The following NKAIN2 variants were observed in gnomAD, a reference collection of about 807,000 sequenced individuals.
NKAIN2 encodes sodium/potassium transporting ATPase interacting 2, also known as sodium/potassium-transporting ATPase subunit beta-1-interacting protein 2.
NKAIN2 carries 14 observed loss-of-function variants against 32.6 expected under a neutral mutation model. The ratio of observed to expected loss-of-function variants is 0.43; its 90% confidence interval spans 0.28 to 0.67. NKAIN2 has a LOEUF of 0.67. NKAIN2 is among the 30% of genes least tolerant of loss of function. The pLI is 0.17. For missense variants in NKAIN2, 198 were observed against 258.3 expected (o/e 0.77, Z 1.60); for synonymous variants, 80 against 87.2 (o/e 0.92, Z 0.46).
intron 1 of NKAIN2, among the ~76,000 whole-genome samples, chr6:123,878,643 A>C (rs968934438): frequency 6.6e-6 from 1 of 152,168 alleles, no homozygotes; most frequent in Non-Finnish European, 1.5e-5. Flanking sequence ...CATTATTTAA[A>C]TTTTTGAATT....
intron 1 of NKAIN2, among the ~76,000 whole-genome samples, chr6:124,038,782 A>G (rs1781726798): frequency 6.6e-6 from 1 of 152,146 alleles, no homozygotes. Flanking sequence ...GTTTCATTTT[A>G]ATATGTGTTT....
chr6:124,699,066 T>C (rs1315228540), intron 4 of NKAIN2, among the ~76,000 whole-genome samples: 16 of 152,144 alleles, frequency 1.1e-4, no homozygotes, highest in Admixed American at 1.0e-3. Context: ...TAGTTAGTTG[T>C]AGTTGTAGAT....
chr6:124,622,446 G>A (rs981283313), intron 3 of NKAIN2, among the ~76,000 whole-genome samples: 16 of 152,134 alleles, frequency 1.1e-4, no homozygotes, highest in African/African-American at 3.6e-4. Flanking sequence ...AGTGTCTAGG[G>A]GTGGATGCCT....
At chr6:124,244,443 G>A (rs1451147489) in intron 1 of NKAIN2, among the ~76,000 whole-genome samples, 2 of 151,872 alleles carry the variant, frequency 1.3e-5, no homozygotes, top group African/African-American at 4.8e-5. Context: ...TGGCTGCATA[G>A]TATTCCATGG....
chr6:124,753,018 C>G (rs1195935685), intron 4 of NKAIN2, among the ~76,000 whole-genome samples: 1 of 152,020 alleles, frequency 6.6e-6, no homozygotes, highest in Non-Finnish European at 1.5e-5. Context: ...TTTTCTTAAG[C>G]CAGTTTTCAC....
intron 5 of NKAIN2, among the ~76,000 whole-genome samples, chr6:124,810,917 GAAA>G (rs112717446): frequency 2.6e-5 from 3 of 113,450 alleles, no homozygotes; most frequent in Admixed American, 1.8e-4. Context: ...TCCTTATCAG[GAAA>G]AAAAAAAAAA....
intron 3 of NKAIN2, among the ~76,000 whole-genome samples, chr6:124,473,533 T>C (rs1450367529): frequency 6.6e-6 from 1 of 152,194 alleles, no homozygotes; most frequent in Non-Finnish European, 1.5e-5. Context: ...GGCAAAGTCT[T>C]ACAAAAATTA....
intron 3 of NKAIN2, among the ~76,000 whole-genome samples, chr6:124,632,155 G>A (rs1783593735): frequency 6.6e-6 from 1 of 152,146 alleles, no homozygotes; most frequent in South Asian, 2.1e-4. Flanking sequence ...GATTACAGCT[G>A]TGAACACACA....
intron 1 of NKAIN2, among the ~76,000 whole-genome samples, chr6:124,011,094 T>A (rs1780302101): frequency 6.6e-6 from 1 of 152,156 alleles, no homozygotes; most frequent in Admixed American, 6.5e-5. Flanking sequence ...TTACTCTATG[T>A]TTTAATATCC....
At chr6:124,671,247 C>G (rs980211119) in intron 4 of NKAIN2, among the ~76,000 whole-genome samples, 1 of 152,074 alleles carries the variant, frequency 6.6e-6, no homozygotes, top group Non-Finnish European at 1.5e-5. Flanking sequence ...CATTATATCT[C>G]TCCTCCTTTC....
chr6:124,323,636 C>T (rs963116805), intron 2 of NKAIN2, among the ~76,000 whole-genome samples: 4 of 151,956 alleles, frequency 2.6e-5, no homozygotes, highest in African/African-American at 9.7e-5. Flanking sequence ...TTAGTATGTT[C>T]CATTTTTCTA....
At chr6:124,027,526 A>G (rs1028563422) in intron 1 of NKAIN2, among the ~76,000 whole-genome samples, 1 of 152,116 alleles carries the variant, frequency 6.6e-6, no homozygotes, top group African/African-American at 2.4e-5. Context: ...AGTCTTGTAT[A>G]TCAAAATATC....
At chr6:124,348,676 G>T (rs1238525996) in intron 2 of NKAIN2, among the ~76,000 whole-genome samples, 1 of 152,246 alleles carries the variant, frequency 6.6e-6, no homozygotes, top group Non-Finnish European at 1.5e-5. Context: ...CGACGCAGAA[G>T]ATGGGTGATT....
At chr6:124,622,664 G>C (rs755212586) in intron 3 of NKAIN2, among the ~76,000 whole-genome samples, 2 of 152,180 alleles carry the variant, frequency 1.3e-5, no homozygotes, top group Non-Finnish European at 2.9e-5. Context: ...GAGTAGTAGA[G>C]GTGGCTCTCA....
At chr6:124,676,868 C>T (rs1207162601) in intron 4 of NKAIN2, among the ~76,000 whole-genome samples, 1 of 152,150 alleles carries the variant, frequency 6.6e-6, no homozygotes, top group Non-Finnish European at 1.5e-5. Flanking sequence ...TCCATCCTTT[C>T]ACATTTAGCC....
intron 2 of NKAIN2, among the ~76,000 whole-genome samples, chr6:124,319,286 T>A (rs1338998380): frequency 6.6e-6 from 1 of 152,124 alleles, no homozygotes; most frequent in East Asian, 1.9e-4. Flanking sequence ...AGTAGCCCAT[T>A]ATTTTAGCAT....
intron 3 of NKAIN2, among the ~76,000 whole-genome samples, chr6:124,369,778 C>T (rs761494980): frequency 4.6e-5 from 7 of 151,584 alleles, no homozygotes; most frequent in South Asian, 2.1e-4. Context: ...TCAAAATCAC[C>T]GCCTTTATTT....
chr6:123,829,109 T>G (rs1197710776), intron 1 of NKAIN2: 1 of 152,178 alleles, frequency 6.6e-6, no homozygotes, highest in Admixed American at 6.5e-5. Flanking sequence ...TTTACAACTT[T>G]AAAAGGAAAA....
At chr6:124,353,257 G>A (rs73770421) in intron 2 of NKAIN2, among the ~76,000 whole-genome samples, 2,562 of 152,260 alleles carry the variant, frequency 0.017, 72 homozygotes, top group East Asian at 0.11. Context: ...TTACCACTGT[G>A]CATTGGAGAA....
Sources: gnomAD v4.1 joint callset for allele counts (sites outside exome capture counted in the v4.1 genomes callset) on GRCh38, gnomAD v4.1.1 for gene constraint, MANE v1.5 for transcripts, NCBI Gene and HGNC (gene_info 2026-07-23, HGNC 2026-07-21) for gene names.